The following RNGTT variants were observed in gnomAD, a reference collection of about 807,000 sequenced individuals.
The protein encoded by RNGTT is RNA guanylyltransferase and 5'-phosphatase, also known as mRNA-capping enzyme.
Under a neutral mutation model 79.3 loss-of-function variants are expected in RNGTT, and 33 were observed. The observed-to-expected ratio is 0.42, with a 90% CI of 0.32 to 0.56. The LOEUF is 0.56. Among genes scored for constraint, RNGTT ranks in the 20% least tolerant of loss-of-function variants. The pLI is 0.17. For missense variants in RNGTT, 497 were observed against 739.1 expected (o/e 0.67, Z 3.80); for synonymous variants, 222 against 235.9 (o/e 0.94, Z 0.54).
At position 88,853,658 on chromosome 6, in the gene RNGTT, T is replaced by C. The variant is rs1285725008; in HGVS notation, c.1003A>G (p.Met335Val). The change falls in exon 9 of 16, where the codon ATG (methionine) becomes GTG (valine). Residue 335 changes from methionine to valine, a missense_variant. Physicochemically the swap from Met to Val is conservative, Grantham distance 21. Transcript: ENST00000369485. ...TCCAAGAGAGTATTTGATAAATGCA[T>C]ACGAAGATCTTTACGAAATGGAAAT... Reference protein sequence around the residue: ...LEFPFRKDLRMHLSNTLLDGE... With the variant: ...LEFPFRKDLRVHLSNTLLDGE... The C allele has an allele frequency of 3.8e-6, 6 of 1,596,656 alleles. No homozygotes were observed. Among genetic ancestry groups the C allele is most frequent in the Non-Finnish European group, 5.1e-6 (6 of 1,167,974 alleles).
At chr6:88,791,772 C>T (rs971970699) in intron 12 of RNGTT, among the ~76,000 whole-genome samples, 2 of 152,144 alleles carry the variant, frequency 1.3e-5, no homozygotes, top group Non-Finnish European at 2.9e-5. Context: ...ATCTCCTGAC[C>T]TCGTGATCCG....
chr6:88,638,421 A>G (rs2127772170), intron 14 of RNGTT, among the ~76,000 whole-genome samples: 1 of 152,298 alleles, frequency 6.6e-6, no homozygotes, highest in Middle Eastern at 3.4e-3. Flanking sequence ...AAAAGCCACT[A>G]CAAAGACCTA....
intron 4 of RNGTT, among the ~76,000 whole-genome samples, chr6:88,916,409 G>C (rs560402175): frequency 6.6e-6 from 1 of 152,250 alleles, no homozygotes; most frequent in East Asian, 1.9e-4. Flanking sequence ...GGAGGTGGAG[G>C]GGGCTGTGAG....
At chr6:88,772,135 T>C (rs899012791) in intron 12 of RNGTT, among the ~76,000 whole-genome samples, 63 of 151,538 alleles carry the variant, frequency 4.2e-4, no homozygotes, top group Admixed American at 3.8e-3. Flanking sequence ...GCCATGATCA[T>C]ACCACTGCAC....
chr6:88,798,974 T>C (rs895284556), intron 12 of RNGTT, among the ~76,000 whole-genome samples: 7 of 152,086 alleles, frequency 4.6e-5, no homozygotes, highest in African/African-American at 1.7e-4. Flanking sequence ...TAGACAATGA[T>C]GAGAACTAAC....
intron 8 of RNGTT, among the ~76,000 whole-genome samples, chr6:88,871,819 C>A (rs189661014): frequency 6.6e-6 from 1 of 152,206 alleles, no homozygotes; most frequent in African/African-American, 2.4e-5. Context: ...TGGCTTCACT[C>A]CCAGAAAGAA....
intron 8 of RNGTT, among the ~76,000 whole-genome samples, chr6:88,871,554 A>C (rs997513657): frequency 2.0e-5 from 3 of 152,194 alleles, no homozygotes; most frequent in Admixed American, 2.0e-4. Flanking sequence ...AGATTAGATT[A>C]TAAACAGACT....
chr6:88,916,276 C>A (rs1322656952), intron 4 of RNGTT, among the ~76,000 whole-genome samples: 1 of 152,114 alleles, frequency 6.6e-6, no homozygotes, highest in Non-Finnish European at 1.5e-5. Flanking sequence ...AGTTCAGGAC[C>A]AGCCTGGGCA....
intron 4 of RNGTT, among the ~76,000 whole-genome samples, chr6:88,914,706 T>C (rs535279173): frequency 2.6e-5 from 4 of 151,986 alleles, no homozygotes; most frequent in Admixed American, 2.6e-4. Context: ...ACCTAGGAAA[T>C]AGCCTTATGG....
intron 11 of RNGTT, among the ~76,000 whole-genome samples, chr6:88,837,946 T>C (rs962500467): frequency 6.6e-6 from 1 of 152,064 alleles, no homozygotes; most frequent in Non-Finnish European, 1.5e-5. Context: ...ATAATCAAAC[T>C]AGACAAAAGT....
chr6:88,770,221 A>T (rs567124568), intron 12 of RNGTT, among the ~76,000 whole-genome samples: 1 of 152,294 alleles, frequency 6.6e-6, no homozygotes, highest in East Asian at 1.9e-4. Flanking sequence ...AAATTAACCA[A>T]CAAATCTTGA....
intron 13 of RNGTT, among the ~76,000 whole-genome samples, chr6:88,689,973 C>T (rs1775422280): frequency 6.6e-6 from 1 of 152,066 alleles, no homozygotes; most frequent in East Asian, 1.9e-4. Flanking sequence ...TATCAACACA[C>T]CCCCTTCACT....
chr6:88,928,187 G>A (rs530264490), intron 4 of RNGTT, among the ~76,000 whole-genome samples: 20 of 152,074 alleles, frequency 1.3e-4, no homozygotes, highest in South Asian at 1.0e-3. Flanking sequence ...ACTCCGGCCC[G>A]GGCGATACAG....
chr6:88,622,754 TTTC>T (rs1440221732), intron 14 of RNGTT, among the ~76,000 whole-genome samples: 5 of 152,078 alleles, frequency 3.3e-5, no homozygotes, highest in Non-Finnish European at 7.4e-5. Context: ...CCAAATGTTC[TTTC>T]TTGCCACAGT....
intron 8 of RNGTT, among the ~76,000 whole-genome samples, chr6:88,855,174 C>CA (rs976739398): frequency 6.6e-6 from 1 of 150,962 alleles, no homozygotes; most frequent in African/African-American, 2.4e-5. Context: ...GAGGTATGTC[C>CA]AAAAAAAAGG....
chr6:88,851,859 T>C (rs1257948054), intron 9 of RNGTT, among the ~76,000 whole-genome samples: 1 of 151,996 alleles, frequency 6.6e-6, no homozygotes, highest in Non-Finnish European at 1.5e-5. Context: ...CATACTGCTA[T>C]TTTTAAAACT....
chr6:88,665,991 G>C (rs747281870), intron 14 of RNGTT, among the ~76,000 whole-genome samples: 6 of 152,226 alleles, frequency 3.9e-5, no homozygotes, highest in Non-Finnish European at 7.3e-5. Context: ...CAGAAAGAAA[G>C]CAGGTCATTT....
chr6:88,804,983 C>T (rs1004002598), intron 11 of RNGTT, among the ~76,000 whole-genome samples: 4 of 152,220 alleles, frequency 2.6e-5, no homozygotes, highest in South Asian at 2.1e-4. Context: ...AAGTGCTTTG[C>T]TCTTTGAAGA....
intron 13 of RNGTT, among the ~76,000 whole-genome samples, chr6:88,736,201 T>C (rs1266859286): frequency 6.6e-6 from 1 of 152,122 alleles, no homozygotes; most frequent in Non-Finnish European, 1.5e-5. Flanking sequence ...TTTCCAAAAA[T>C]AAAGCACTAG....
Sources: gnomAD v4.1 joint callset for allele counts (sites outside exome capture counted in the v4.1 genomes callset) on GRCh38, gnomAD v4.1.1 for gene constraint, MANE v1.5 for transcripts, NCBI Gene and HGNC (gene_info 2026-07-23, HGNC 2026-07-21) for gene names.